The following SGK1 variants were observed in gnomAD, a reference collection of about 807,000 sequenced individuals.
SGK1 encodes serum/glucocorticoid regulated kinase 1, also known as serine/threonine-protein kinase Sgk1.
Under a neutral mutation model 64.2 loss-of-function variants are expected in SGK1, and 26 were observed. The ratio of observed to expected loss-of-function variants is 0.40; its 90% CI spans 0.30 to 0.56. The LOEUF (loss-of-function observed/expected upper bound fraction) is 0.56, where lower values mean the gene tolerates loss of function less well. Ranked by LOEUF, SGK1 falls within the 20% of genes least tolerant of loss-of-function variation. SGK1 has a pLI of 0.38. For missense variants in SGK1, 519 were observed against 645.6 expected (o/e 0.80, Z 2.12); for synonymous variants, 265 against 239.7 (o/e 1.11, Z -0.98).
At position 134,175,731 on chromosome 6, in the gene SGK1, C is replaced by G. The variant is rs540579604; in HGVS notation, c.362-1145G>C. ...AGCACTGACGTTTCCTTGAAGGAGC[C>G]GCCGTGACTCAGGCCGGGCAAGATT... On this transcript the variant is annotated intron_variant, in intron 3 of 13. Transcript: ENST00000367858. The G allele has an allele frequency of 4.6e-5, 63 of 1,371,308 alleles. No homozygotes were observed. The East Asian group carries it at 1.7e-3, about 37-fold the overall frequency. 84.9% of individuals were successfully genotyped at this position (1,371,308 alleles called of 1,614,324 possible).
chr6:134,206,369 ATATATATATATATATTTTTTTTTTTT>A (rs1189263413), intron 3 of SGK1, among the ~76,000 whole-genome samples: 19 of 7,488 alleles, frequency 2.5e-3, no homozygotes, highest in African/African-American at 4.8e-3. Context: ...ATATATATAT[ATATATATATATATATTTTTTTTTTTT>A]TTTTTTTTTT....
chr6:134,278,131 G>C (rs1366278309), intron 1 of SGK1, among the ~76,000 whole-genome samples: 1 of 152,144 alleles, frequency 6.6e-6, no homozygotes, highest in Non-Finnish European at 1.5e-5. Flanking sequence ...ACTGTGACTT[G>C]GAACTCTCTG....
chr6:134,208,745 C>CGTGT (rs146164433), intron 2 of SGK1, among the ~76,000 whole-genome samples: 1 of 150,484 alleles, frequency 6.6e-6, no homozygotes, highest in Non-Finnish European at 1.5e-5. Flanking sequence ...TCCATGTATG[C>CGTGT]GTATATATAT....
At chr6:134,275,485 A>G (rs1221744741) in intron 1 of SGK1, among the ~76,000 whole-genome samples, 1 of 152,190 alleles carries the variant, frequency 6.6e-6, no homozygotes, top group Non-Finnish European at 1.5e-5. Context: ...TTTCATCAGG[A>G]TTGATGTATT....
chr6:134,214,078 T>C (rs114971649), intron 2 of SGK1, among the ~76,000 whole-genome samples: 6,110 of 152,090 alleles, frequency 0.04, 405 homozygotes, highest in African/African-American at 0.14. Flanking sequence ...TATCTGTAAG[T>C]TATTAAAAAA....
chr6:134,231,171 A>G (rs12206857), intron 2 of SGK1, among the ~76,000 whole-genome samples: 9,456 of 152,312 alleles, frequency 0.062, 357 homozygotes, highest in Non-Finnish European at 0.086. Flanking sequence ...TCTCCGTGAC[A>G]GAGTGAGAAT....
At chr6:134,263,401 AT>A (rs11379233) in intron 1 of SGK1, among the ~76,000 whole-genome samples, 196 of 141,288 alleles carry the variant, frequency 1.4e-3, no homozygotes, top group Non-Finnish European at 1.3e-3. Flanking sequence ...CACACTACTA[AT>A]TTTTTTTTTT....
At chr6:134,175,654 TC>T in intron 3 of SGK1, 1 of 1,515,356 alleles carries the variant, frequency 6.6e-7, no homozygotes. Context: ...GCCCTGCATC[TC>T]CCCCATGGGC....
chr6:134,177,268 A>G (rs1176024255), intron 3 of SGK1, among the ~76,000 whole-genome samples: 1 of 152,190 alleles, frequency 6.6e-6, no homozygotes, highest in Non-Finnish European at 1.5e-5. Context: ...AAACACTAGT[A>G]CCTGAAATTG....
intron 1 of SGK1, among the ~76,000 whole-genome samples, chr6:134,305,559 C>T (rs867007592): frequency 2.2e-5 from 3 of 135,264 alleles, no homozygotes; most frequent in Non-Finnish European, 3.1e-5. Flanking sequence ...GGTGACAGAG[C>T]GAGACCCTGT....
intron 1 of SGK1, among the ~76,000 whole-genome samples, chr6:134,283,984 A>T (rs1306174160): frequency 6.8e-6 from 1 of 147,468 alleles, no homozygotes; most frequent in East Asian, 2.1e-4. Flanking sequence ...TCCCTTCCTT[A>T]TAGCTCTTTA....
At chr6:134,312,918 G>A (rs573686641) in intron 1 of SGK1, among the ~76,000 whole-genome samples, 15 of 152,106 alleles carry the variant, frequency 9.9e-5, no homozygotes, top group Admixed American at 3.9e-4. Flanking sequence ...GATTATGGGC[G>A]CCTGCCATCA....
chr6:134,198,922 G>A (rs998120444), intron 3 of SGK1, among the ~76,000 whole-genome samples: 1 of 151,844 alleles, frequency 6.6e-6, no homozygotes, highest in Non-Finnish European at 1.5e-5. Flanking sequence ...GTGTCGCTCC[G>A]TCACCCAGGC....
At chr6:134,258,394 C>T (rs1192824962) in intron 2 of SGK1, among the ~76,000 whole-genome samples, 3 of 152,000 alleles carry the variant, frequency 2.0e-5, no homozygotes, top group South Asian at 2.1e-4. Flanking sequence ...CATATTTTAA[C>T]GATTAAAATA....
chr6:134,273,606 A>G (rs1294184544), intron 1 of SGK1, among the ~76,000 whole-genome samples: 3 of 145,360 alleles, frequency 2.1e-5, no homozygotes, highest in Non-Finnish European at 4.5e-5. Flanking sequence ...AAAAAAAAAA[A>G]AAAAAAAAAA....
intron 1 of SGK1, among the ~76,000 whole-genome samples, chr6:134,314,158 A>G (rs1777644333): frequency 6.6e-6 from 1 of 151,910 alleles, no homozygotes; most frequent in Admixed American, 6.6e-5. Context: ...TATGAGGATG[A>G]GAAGCATAAA....
intron 2 of SGK1, among the ~76,000 whole-genome samples, chr6:134,213,542 TA>T: frequency 7.0e-6 from 1 of 142,060 alleles, no homozygotes. Context: ...AATAAATAAA[TA>T]AATAAAATGT....
At chr6:134,252,027 G>A (rs1027929659) in intron 2 of SGK1, among the ~76,000 whole-genome samples, 3 of 152,308 alleles carry the variant, frequency 2.0e-5, no homozygotes, top group South Asian at 2.1e-4. Flanking sequence ...AAAGTGTTGC[G>A]ATAACAGGCG....
intron 2 of SGK1, among the ~76,000 whole-genome samples, chr6:134,254,241 A>T (rs2114739201): frequency 6.6e-6 from 1 of 152,248 alleles, no homozygotes; most frequent in South Asian, 2.1e-4. Context: ...GAGATAAGAA[A>T]ATGAACACAT....
Sources: allele counts gnomAD v4.1 joint callset (sites outside exome capture counted in the v4.1 genomes callset), GRCh38; gene constraint gnomAD v4.1.1; transcripts MANE v1.5; gene names NCBI Gene and HGNC (gene_info 2026-07-23, HGNC 2026-07-21).